Variants in FSTL4 observed in about 807,000 individuals in gnomAD.
FSTL4 encodes follistatin like 4.
A neutral mutation model predicts 78.2 loss-of-function variants in FSTL4; 28 were observed. The observed-to-expected ratio is 0.36, with a 90% CI of 0.27 to 0.49. The LOEUF (loss-of-function observed/expected upper bound fraction) is 0.49, where lower values mean the gene tolerates loss of function less well. FSTL4 is among the 20% of genes least tolerant of loss of function. FSTL4 has a pLI of 0.98. For synonymous variants in FSTL4, 422 were observed against 440.5 expected (o/e 0.96, Z 0.53); for missense variants, 922 against 1,084.9 (o/e 0.85, Z 2.11).
chr5:133,293,390 T>C (rs1753313752), intron 6 of FSTL4, among the ~76,000 whole-genome samples: 1 of 152,340 alleles, frequency 6.6e-6, no homozygotes, highest in South Asian at 2.1e-4. Flanking sequence ...TCAAACTGAC[T>C]TTGACCACAC....
chr5:133,612,427 C>G lies in FSTL4; in HGVS notation c.-113G>C, dbSNP rs1456464690. 2 of 152,058 alleles carry G rather than the reference C, an allele frequency of 1.3e-5. No homozygotes were observed. The highest frequency in any genetic ancestry group is 2.9e-5 in the Non-Finnish European group (2 of 68,024). 9.4% of individuals were successfully genotyped at this position (152,058 alleles called of 1,614,324 possible). On this transcript the variant is annotated 5_prime_UTR_variant, in exon 1 of 16. Coordinates refer to ENST00000265342, the MANE Select transcript of FSTL4 (RefSeq NM_015082.2). This position sits in a 1 kb window ranked among gnomAD's most constrained non-coding sequence, Gnocchi z 6.2. ...GGCGACCCCGCCCCGCGTCCTTCGG[C>G]TGGTTTCTCGGGCTGTCGGCGGGTC...
chr5:133,477,457 C>G (rs538252884), intron 3 of FSTL4, among the ~76,000 whole-genome samples: 1 of 152,314 alleles, frequency 6.6e-6, no homozygotes, highest in Non-Finnish European at 1.5e-5. Flanking sequence ...TTTCATACAA[C>G]TCATTTAATC....
chr5:133,297,983 CAG>C (rs937668647), intron 6 of FSTL4, among the ~76,000 whole-genome samples: 1 of 152,234 alleles, frequency 6.6e-6, no homozygotes, highest in African/African-American at 2.4e-5. Context: ...TCTCCCGAAA[CAG>C]ACGCTGGTGA....
chr5:133,677,191 C>T, the FSTL4 span, among the ~76,000 whole-genome samples: 2 of 152,192 alleles, frequency 1.3e-5, no homozygotes, highest in African/African-American at 2.4e-5. Context: ...TTCACACACA[C>T]GTCAACCTGA....
At chr5:133,249,080 T>C (rs1752130974) in intron 7 of FSTL4, among the ~76,000 whole-genome samples, 1 of 152,220 alleles carries the variant, frequency 6.6e-6, no homozygotes, top group Admixed American at 6.5e-5. Flanking sequence ...GGTCCATCTC[T>C]CTGAGCCCTG....
intron 4 of FSTL4, among the ~76,000 whole-genome samples, chr5:133,352,333 T>C (rs865965376): frequency 4.0e-4 from 42 of 104,592 alleles, no homozygotes; most frequent in Middle Eastern, 8.6e-3. Flanking sequence ...TATACACACA[T>C]ATATATATAC....
chr5:133,514,221 A>AATG (rs1758806178), intron 3 of FSTL4, among the ~76,000 whole-genome samples: 1 of 148,254 alleles, frequency 6.7e-6, no homozygotes, highest in Admixed American at 6.7e-5. Flanking sequence ...TAATAATAAT[A>AATG]ATAAACCGTT....
intron 4 of FSTL4, among the ~76,000 whole-genome samples, chr5:133,391,197 A>T (rs1580673013): frequency 6.6e-6 from 1 of 152,160 alleles, no homozygotes; most frequent in Non-Finnish European, 1.5e-5. Context: ...GAGCACAGAG[A>T]TTCAATACAT....
chr5:133,464,817 T>C (rs1051009492), intron 3 of FSTL4, among the ~76,000 whole-genome samples: 1 of 152,244 alleles, frequency 6.6e-6, no homozygotes, highest in East Asian at 1.9e-4. Context: ...TTTTTATGTA[T>C]GTATTTCATA....
the FSTL4 span, among the ~76,000 whole-genome samples, chr5:133,816,601 G>A: frequency 1.3e-5 from 2 of 152,160 alleles, no homozygotes; most frequent in Admixed American, 1.3e-4. Flanking sequence ...CCCCACTAGA[G>A]TGTCTAAGCG....
the FSTL4 span, among the ~76,000 whole-genome samples, chr5:133,693,372 A>G: frequency 3.3e-5 from 5 of 152,232 alleles, no homozygotes; most frequent in South Asian, 1.0e-3. Flanking sequence ...GAAATTATAT[A>G]CAAATTATAC....
chr5:133,760,461 A>G, the FSTL4 span, among the ~76,000 whole-genome samples: 1 of 152,154 alleles, frequency 6.6e-6, no homozygotes, highest in Non-Finnish European at 1.5e-5. Flanking sequence ...CCAGGGCTGA[A>G]GCCCCATCTC....
chr5:133,709,391 G>A, the FSTL4 span, among the ~76,000 whole-genome samples: 1 of 152,238 alleles, frequency 6.6e-6, no homozygotes, highest in African/African-American at 2.4e-5. Flanking sequence ...TAATACTTGA[G>A]AGATGTGCTC....
intron 2 of FSTL4, among the ~76,000 whole-genome samples, chr5:133,582,052 G>A (rs146997837): frequency 1.6e-4 from 25 of 152,334 alleles, no homozygotes; most frequent in African/African-American, 5.8e-4. Context: ...AGAAACTAAT[G>A]TAAACAGTGG....
intron 4 of FSTL4, among the ~76,000 whole-genome samples, chr5:133,392,848 A>G (rs1187984290): frequency 6.6e-6 from 1 of 152,204 alleles, no homozygotes; most frequent in Non-Finnish European, 1.5e-5. Flanking sequence ...AGTGAAATCA[A>G]TGCACCACGA....
chr5:133,599,490 A>G (rs1760809748), intron 2 of FSTL4, among the ~76,000 whole-genome samples: 1 of 152,210 alleles, frequency 6.6e-6, no homozygotes. Flanking sequence ...ATGGTGTCTG[A>G]GCTCAAAACC....
At chr5:133,827,637 C>T in the FSTL4 span, among the ~76,000 whole-genome samples, 1 of 151,952 alleles carries the variant, frequency 6.6e-6, no homozygotes, top group Non-Finnish European at 1.5e-5. Context: ...ACATCCAAGT[C>T]TGTGGACTCC....
intron 13 of FSTL4, chr5:133,210,942 T>A (rs1750690096): frequency 6.6e-6 from 1 of 152,264 alleles, no homozygotes; most frequent in Non-Finnish European, 1.5e-5. Context: ...CCTGAAAGTC[T>A]TGGACCCTCA....
chr5:133,659,193 G>A, the FSTL4 span, among the ~76,000 whole-genome samples: 14 of 152,076 alleles, frequency 9.2e-5, no homozygotes, highest in Non-Finnish European at 2.1e-4. Context: ...TTTTGAGACT[G>A]TGTATTAAAA....
Sources: allele counts gnomAD v4.1 joint callset (sites outside exome capture counted in the v4.1 genomes callset), GRCh38; gene constraint gnomAD v4.1.1; non-coding constraint Gnocchi (gnomAD v3.1); transcripts MANE v1.5; gene names NCBI Gene and HGNC (gene_info 2026-07-23, HGNC 2026-07-21).